The following DNAH2 variants were observed in gnomAD, a reference collection of about 807,000 sequenced individuals.
DNAH2 encodes axonemal beta dynein heavy chain 2.
A neutral mutation model predicts 523.5 loss-of-function variants in DNAH2; 323 were observed. That is an observed-to-expected ratio of 0.62 (90% CI 0.56 to 0.68). The LOEUF (loss-of-function observed/expected upper bound fraction) is 0.68. Ranked by LOEUF, DNAH2 falls within the 30% of genes least tolerant of loss-of-function variation. DNAH2 has a pLI of 0.00. For missense variants in DNAH2, 4,907 were observed against 5,701.5 expected, an observed-to-expected ratio of 0.86 and a Z score of 4.49; for synonymous variants, 2,093 against 2,177.4, an observed-to-expected ratio of 0.96 and a Z score of 1.08.
intron 74 of DNAH2, 42 bp from the exon 75 acceptor site, chr17:7,823,792 A>G (rs2077936232): frequency 2.5e-6 from 4 of 1,605,604 alleles, no homozygotes; most frequent in Non-Finnish European, 3.4e-6. Context: ...CCGCTCTTCC[A>G]GACTCACTCC....
chr17:7,777,768 T>C (rs2076496377), intron 33 of DNAH2, 134 bp downstream of exon 33: 3 of 1,101,704 alleles, frequency 2.7e-6, no homozygotes, highest in Admixed American at 4.6e-5. Flanking sequence ...ATCCGGTTCT[T>C]CCTTCCATCT....
chr17:7,817,232 C>T (rs115549588), intron 64 of DNAH2, 58 bp from the exon 65 acceptor site: 3 of 1,557,662 alleles, frequency 1.9e-6, no homozygotes, highest in East Asian at 2.3e-5. Context: ...AAAAGCATTC[C>T]AAGTGTCTCC....
chr17:7,793,447 TTTTCTTTCTTTCTTTC>T (rs557051250), intron 48 of DNAH2, among the ~76,000 whole-genome samples: 99 of 96,496 alleles, frequency 1.0e-3, no homozygotes, highest in African/African-American at 3.1e-3. Flanking sequence ...CTTTCTTTCT[TTTTCTTTCTTTCTTTC>T]TTTCTTTCTT....
intron 4 of DNAH2, among the ~76,000 whole-genome samples, chr17:7,731,224 A>G (rs2074978557): frequency 6.6e-6 from 1 of 152,042 alleles, no homozygotes; most frequent in African/African-American, 2.4e-5. Flanking sequence ...ATTAAAGGAT[A>G]CTAAGAGACA....
Position 7,759,795 on chromosome 17 carries a change from A to T in DNAH2, c.2642A>T (p.Glu881Val), listed in dbSNP as rs753465034. 1.2e-6 allele frequency: 2 copies of T among 1,613,992 alleles called. No homozygotes were observed. The highest frequency in any genetic ancestry group is 2.7e-5 in the African/African-American group (2 of 74,906). Reference protein sequence around the residue: ...NDLQGSVAQVEFSPTLQTLAG... With the variant: ...NDLQGSVAQVVFSPTLQTLAG... ...TCTCCACTGGGTTCCTCACAGGTGG[A>T]ATTCTCACCCACTCTGCAGACTTTG... The change falls in exon 17 of 86, where the codon GAA (glutamate) becomes GTA (valine). Residue 881 changes from glutamate (E) to valine (V), a missense_variant. Physicochemically the swap from Glu to Val is moderately radical, Grantham distance 121 (BLOSUM62 -2). Coordinates refer to ENST00000572933, the MANE Select transcript of DNAH2 (RefSeq NM_020877.5).
At chr17:7,731,988 C>T (rs1347868858) in intron 4 of DNAH2, among the ~76,000 whole-genome samples, 3 of 147,576 alleles carry the variant, frequency 2.0e-5, no homozygotes, top group Non-Finnish European at 3.0e-5. Context: ...GAGATCATGC[C>T]ATCGCGTTCC....
chr17:7,722,077 C>A lies in DNAH2; in HGVS notation c.167-1551C>A, dbSNP rs1331357192. On this transcript the variant is annotated intron_variant, in intron 2 of 85. Coordinates refer to ENST00000572933, the MANE Select transcript of DNAH2 (RefSeq NM_020877.5). Reference sequence around the variant, plus strand: ...GCAATGGCGTGATCTCGGCTCACTGCGACCTCTGCCTCCCGGATTCAAGCA... The same window carrying A: ...GCAATGGCGTGATCTCGGCTCACTGAGACCTCTGCCTCCCGGATTCAAGCA... Among the ~76,000 whole-genome samples the A allele has an allele frequency of 2.0e-5, 3 of 152,116 alleles. No homozygotes were observed. The East Asian group carries it at 5.8e-4, about 29-fold the overall frequency.
chr17:7,806,453 C>G (rs185875284), intron 61 of DNAH2, among the ~76,000 whole-genome samples: 4 of 151,832 alleles, frequency 2.6e-5, no homozygotes, highest in South Asian at 4.2e-4. Context: ...GTCAGGAGAT[C>G]GAGACCATCC....
At position 7,796,610 on chromosome 17, in the gene DNAH2, C is replaced by T. The variant is rs770476648; in HGVS notation, c.7821C>T (p.Pro2607=). Residue 2607 remains proline (P), a synonymous_variant, in exon 50 of 86, where the codon CCC becomes CCT. Transcript: ENST00000572933. The stretch of plus-strand genomic sequence containing the variant: ...TGGTACAGCGCTTCCTGCCCACGCC[C>T]ACCAAGATGCATTACCTCTTCAACC... ...NTVVQRFLPT[P]TKMHYLFNLR... The T allele has an allele frequency of 7.4e-6, 12 of 1,613,216 alleles. No homozygotes were observed. The East Asian group carries it at 1.8e-4, about 24-fold the overall frequency.
intron 63 of DNAH2, among the ~76,000 whole-genome samples, chr17:7,813,907 CAAA>C (rs371725781): frequency 2.8e-5 from 3 of 105,760 alleles, no homozygotes; most frequent in Non-Finnish European, 3.8e-5. Context: ...GACTCTGTCT[CAAA>C]AAAAAAAAAA....
intron 2 of DNAH2, among the ~76,000 whole-genome samples, chr17:7,722,964 CT>C (rs559136734): frequency 0.024 from 2,739 of 114,718 alleles, 35 homozygotes; most frequent in African/African-American, 0.078. Context: ...CTTTTCTTTC[CT>C]TTTTTTTTTT....
At chr17:7,741,023 G>T (rs1304289006) in intron 11 of DNAH2, 31 bp downstream of exon 11, 1 of 1,574,380 alleles carries the variant, frequency 6.4e-7, no homozygotes. Flanking sequence ...ATATTCTGTC[G>T]TCAGTGAGAC....
chr17:7,750,247 T>A (rs1435575170), intron 12 of DNAH2, among the ~76,000 whole-genome samples: 1 of 152,188 alleles, frequency 6.6e-6, no homozygotes, highest in East Asian at 1.9e-4. Context: ...ACCAATAAAA[T>A]CCCTTTGAGT....
rs78301569 is a variant in DNAH2 at position 7,818,897 on chromosome 17, G to A, written c.10671-22G>A. The A allele has an allele frequency of 3.1e-3, 4,928 of 1,609,086 alleles. 118 individuals are homozygous for A. In the African/African-American group the frequency reaches 0.054, roughly 18 times the overall value. ...TGGTCCCGCTAACCCCTTGCTCCATGTGCCTCTGGGCCTCCCCCTAGGCTG... is the reference window on the plus strand; with the variant it reads ...TGGTCCCGCTAACCCCTTGCTCCATATGCCTCTGGGCCTCCCCCTAGGCTG... On this transcript the variant is annotated intron_variant, in intron 70 of 85. Coordinates refer to ENST00000572933, the MANE Select transcript of DNAH2 (RefSeq NM_020877.5).
chr17:7,801,802 C>T (rs1367109777), intron 57 of DNAH2, 76 bp from the exon 58 acceptor site: 29 of 1,609,336 alleles, frequency 1.8e-5, no homozygotes, highest in Middle Eastern at 1.7e-4. Flanking sequence ...CTCTCCTTCC[C>T]GCCTCTCATC....
chr17:7,749,883 T>C (rs1314518176), intron 12 of DNAH2, among the ~76,000 whole-genome samples: 1 of 151,962 alleles, frequency 6.6e-6, no homozygotes, highest in Non-Finnish European at 1.5e-5. Context: ...TAATCCTAGC[T>C]ACTCAGGAGG....
intron 8 of DNAH2, chr17:7,738,165 C>A: frequency 1.4e-6 from 1 of 700,788 alleles, no homozygotes; most frequent in South Asian, 1.5e-5. Context: ...ACTCCCTTGT[C>A]AGCCCTGTAA....
intron 10 of DNAH2, 89 bp from the exon 11 acceptor site, chr17:7,740,721 C>A: frequency 6.5e-7 from 1 of 1,540,620 alleles, no homozygotes; most frequent in Non-Finnish European, 8.8e-7. Flanking sequence ...GTGACTCCCG[C>A]AGCGGGGTGC....
At chr17:7,779,896 A>G (rs968038937) in intron 36 of DNAH2, among the ~76,000 whole-genome samples, 9 of 152,160 alleles carry the variant, frequency 5.9e-5, no homozygotes, top group Non-Finnish European at 1.2e-4. Flanking sequence ...ACCTGGAGAG[A>G]TGGGAAATTG....
Sources: gnomAD v4.1 joint callset for allele counts (sites outside exome capture counted in the v4.1 genomes callset) on GRCh38, gnomAD v4.1.1 for gene constraint, MANE v1.5 for transcripts, NCBI Gene and HGNC (gene_info 2026-07-23, HGNC 2026-07-21) for gene names.